The following ITPR3 variants were observed in gnomAD, a reference collection of about 807,000 sequenced individuals.
ITPR3 encodes inositol 1,4,5-trisphosphate-gated calcium channel ITPR3.
A neutral mutation model predicts 293.2 loss-of-function variants in ITPR3; 173 were observed. The ratio of observed to expected loss-of-function variants is 0.59; its 90% CI spans 0.52 to 0.67. ITPR3 has a LOEUF of 0.67. ITPR3 is among the 30% of genes least tolerant of loss of function. The probability of loss-of-function intolerance (pLI) is 0.00; values close to 1 mark genes in which losing one functional copy is unlikely to be tolerated. For synonymous variants in ITPR3, 1,295 were observed against 1,444.4 expected (o/e 0.90, Z 2.35); for missense variants, 2,796 against 3,592.1 (o/e 0.78, Z 5.66).
At chr6:33,694,786 G>C (rs4713657) in intron 56 of ITPR3, 138 bp from the exon 57 acceptor site, 2 of 1,123,890 alleles carry the variant, frequency 1.8e-6, no homozygotes, top group Non-Finnish European at 2.6e-6. Context: ...GGTCAATTCA[G>C]ATTTTCCCAT....
chr6:33,677,157 C>G, intron 27 of ITPR3, 68 bp downstream of exon 27: 4 of 1,420,572 alleles, frequency 2.8e-6, no homozygotes, highest in Non-Finnish European at 4.0e-6. Flanking sequence ...CCCGCTGGCC[C>G]GGCCCCCTGT....
intron 2 of ITPR3, among the ~76,000 whole-genome samples, chr6:33,642,602 C>T (rs1384648802): frequency 6.6e-6 from 1 of 152,090 alleles, no homozygotes. Flanking sequence ...TTGACAACAA[C>T]AAAGCCACTT....
chr6:33,624,984 C>T lies in ITPR3; in HGVS notation c.89+3293C>T, dbSNP rs1466437323. ...GGGATCTGGGTAGTGGATCCAGGAG[C>T]GGTTGAGACTGCCAGCCGGCCAGCA... On this transcript the variant is annotated intron_variant, in intron 1 of 57. Transcript: ENST00000605930. This position sits in a 1 kb window ranked among gnomAD's most constrained non-coding sequence, Gnocchi z 4.7. Among the ~76,000 whole-genome samples the T allele has an allele frequency of 2.0e-5, 3 of 152,298 alleles. No individual in the cohort carries two copies. The East Asian group carries it at 5.8e-4, about 29-fold the overall frequency.
In ITPR3 at chr6:33,662,550, A is replaced by G; in HGVS notation, c.734A>G (p.His245Arg). The part of the protein sequence containing the change: ...LKGGDVVRLF[H>R]AEQEKFLTCD... ...CAGGGAGACGTGGTGCGGCTGTTCC[A>G]TGCGGAGCAGGAGAAGTTCCTGACG... Residue 245 changes from histidine (H) to arginine (R), a missense_variant, in exon 8 of 58, where the codon CAT (histidine) becomes CGT (arginine). This residue lies in a region of ITPR3 where 144 missense variants were observed against 230.8 expected (regional missense o/e 0.62). Coordinates refer to ENST00000605930, the MANE Select transcript of ITPR3 (RefSeq NM_002224.4). 1.9e-6 allele frequency: 3 copies of G among 1,604,878 alleles called. No homozygotes were observed. The highest frequency in any genetic ancestry group is 1.7e-6 in the Non-Finnish European group (2 of 1,176,966).
Position 33,667,397 on chromosome 6 carries a change from TC to T in ITPR3, c.1713+109del. On this transcript the variant is annotated intron_variant, in intron 15 of 57. Coordinates refer to ENST00000605930, the MANE Select transcript of ITPR3 (RefSeq NM_002224.4). The surrounding 1 kb of genome is among the most constrained non-coding windows in gnomAD (Gnocchi z 4.4). ...CCAGGCACTGTTTTGGGGCCTAGGG[TC>T]CAGTAGGGCACCAGACAGCAGGGCC... 7.1e-7 allele frequency: 1 copy of T among 1,400,204 alleles called. No homozygotes were observed. The highest frequency in any genetic ancestry group is 9.6e-7 in the Non-Finnish European group (1 of 1,046,528). The allele number at this position is 1,400,204 out of a possible 1,614,324, so 86.7% of individuals were successfully genotyped here. A position where few individuals can be genotyped will look rare whatever the true frequency, so the allele number is the denominator to read the frequency against.
chr6:33,656,003 CTAAAACTCGT>C, intron 3 of ITPR3, 116 bp downstream of exon 3: 1 of 1,362,058 alleles, frequency 7.3e-7, no homozygotes, highest in South Asian at 1.3e-5. Flanking sequence ...TGAGTGGTTT[CTAAAACTCGT>C]ATGGGCGTGA....
At position 33,692,435 on chromosome 6, in the gene ITPR3, C is replaced by T. The variant is rs568835698; in HGVS notation, c.7459-293C>T. Among the ~76,000 whole-genome samples the T allele has an allele frequency of 9.2e-5, 14 of 152,208 alleles. No homozygotes were observed. The highest frequency in any genetic ancestry group is 5.8e-4 in the East Asian group (3 of 5,160). ...ATCAATGTTAGGGGCAGAGACACACCGAGACTCGTAGCCCTACCTCCCCGC... is the reference window on the plus strand; with the variant it reads ...ATCAATGTTAGGGGCAGAGACACACTGAGACTCGTAGCCCTACCTCCCCGC... On this transcript the variant is annotated intron_variant, in intron 54 of 57. Coordinates refer to ENST00000605930, the MANE Select transcript of ITPR3 (RefSeq NM_002224.4). The surrounding 1 kb of genome is among the most constrained non-coding windows in gnomAD (Gnocchi z 4.2).
intron 1 of ITPR3, 68 bp from the exon 2 acceptor site, chr6:33,640,416 C>G: frequency 4.8e-6 from 7 of 1,472,614 alleles, no homozygotes; most frequent in South Asian, 2.5e-5. Flanking sequence ...ATCCCCTGCT[C>G]TAAGGGAAGG....
At chr6:33,648,070 T>TTC (rs199978409) in intron 2 of ITPR3, among the ~76,000 whole-genome samples, 50 of 137,770 alleles carry the variant, frequency 3.6e-4, no homozygotes, top group Admixed American at 2.5e-3. Flanking sequence ...CTTTTTCTTT[T>TTC]TTTTTTTTTT....
intron 2 of ITPR3, among the ~76,000 whole-genome samples, chr6:33,642,220 A>G (rs1429960271): frequency 6.6e-6 from 1 of 152,052 alleles, no homozygotes; most frequent in African/African-American, 2.4e-5. Context: ...TGTGGGTTTA[A>G]TGTGCTCACT....
chr6:33,669,346 T>C (rs920247549), intron 18 of ITPR3, among the ~76,000 whole-genome samples, 190 bp downstream of exon 18: 2 of 152,214 alleles, frequency 1.3e-5, no homozygotes, highest in Non-Finnish European at 2.9e-5. Flanking sequence ...TGAAGAGGAC[T>C]GTGTGCCCCG....
In ITPR3 at chr6:33,667,749, C is replaced by T; in HGVS notation, c.1714-43C>T. 1 of 1,608,580 alleles carries T rather than the reference C, an allele frequency of 6.2e-7. No individual in the cohort carries two copies. The highest frequency in any genetic ancestry group is 8.5e-7 in the Non-Finnish European group (1 of 1,176,454). ...CCAGAGCAGAGCTGGGCCCTTGGCC[C>T]ACCTGTGACTCTCTGTGACCCCCAG... On this transcript the variant is annotated intron_variant, in intron 15 of 57. Transcript: ENST00000605930. This position sits in a 1 kb window ranked among gnomAD's most constrained non-coding sequence, Gnocchi z 4.4.
In ITPR3 at chr6:33,632,378, C is replaced by T. The variant is rs1211982480; in HGVS notation, c.90-8106C>T. ...GGCTCCTTGATAGTCACCTGCCCCA[C>T]TTCTATCTAGCTCCCTTCCTCCTCC... is the stretch of plus-strand genomic sequence containing the variant. On this transcript the variant is annotated intron_variant, in intron 1 of 57. Transcript: ENST00000605930. The surrounding 1 kb of genome is among the most constrained non-coding windows in gnomAD (Gnocchi z 4.1). Among the ~76,000 whole-genome samples the T allele has an allele frequency of 1.1e-4, 16 of 152,182 alleles. No individual in the cohort carries two copies. Among genetic ancestry groups the T allele is most frequent in the Admixed American group, 1.0e-3 (16 of 15,282 alleles).
intron 18 of ITPR3, among the ~76,000 whole-genome samples, chr6:33,669,528 C>T (rs185736824): frequency 3.9e-5 from 6 of 152,322 alleles, no homozygotes; most frequent in East Asian, 1.9e-4. Flanking sequence ...ACCTGGGAGG[C>T]GGAAGTTGCA....
Position 33,683,185 on chromosome 6 carries a change from C to A in ITPR3, c.4598-22C>A. 1 of 1,489,888 alleles carries A rather than the reference C, an allele frequency of 6.7e-7. No individual in the cohort carries two copies. The highest frequency in any genetic ancestry group is 9.0e-7 in the Non-Finnish European group (1 of 1,109,624). The allele number at this position is 1,489,888 out of a possible 1,614,324, so 92.3% of individuals were successfully genotyped here. ...AACTGCCCCCGCACCAGCACTCCAG[C>A]ACTCCCTCCCTTCCCACCCAGCCAA... On this transcript the variant is annotated intron_variant, in intron 34 of 57. Transcript: ENST00000605930. The surrounding 1 kb of genome is among the most constrained non-coding windows in gnomAD (Gnocchi z 4.5).
intron 27 of ITPR3, 94 bp from the exon 28 acceptor site, chr6:33,677,410 C>T: frequency 6.4e-7 from 1 of 1,553,874 alleles, no homozygotes; most frequent in East Asian, 2.3e-5. Flanking sequence ...CCCTTCCTGT[C>T]CCGGGTGCCA....
intron 50 of ITPR3, among the ~76,000 whole-genome samples, chr6:33,689,830 T>C (rs1374969323): frequency 2.0e-5 from 3 of 152,244 alleles, no homozygotes; most frequent in Non-Finnish European, 2.9e-5. Flanking sequence ...CCATCCTCCG[T>C]TGCCTGTACC....
In ITPR3 at chr6:33,679,393, A is replaced by G. The variant is rs1428640336; in HGVS notation, c.3973-489A>G. 6.6e-6 allele frequency among the ~76,000 whole-genome samples: 1 copy of G among 152,222 alleles called. No individual in the cohort carries two copies. Among genetic ancestry groups the G allele is most frequent in the Non-Finnish European group, 1.5e-5 (1 of 68,036 alleles). On this transcript the variant is annotated intron_variant, in intron 30 of 57. Transcript: ENST00000605930. This position sits in a 1 kb window ranked among gnomAD's most constrained non-coding sequence, Gnocchi z 4.2. ...GACAGTGTAGGCGGCAGGGGGAGAA[A>G]GAAGCAAACACTGAAGGGAGATTAG...
At position 33,678,850 on chromosome 6, in the gene ITPR3, G is replaced by T. The variant is rs1393165018; in HGVS notation, c.3972+11G>T. The T allele has an allele frequency of 1.2e-6, 2 of 1,609,516 alleles. No homozygotes were observed. The highest frequency in any genetic ancestry group is 2.2e-5 in the South Asian group (2 of 90,084). On this transcript the variant is annotated intron_variant, in intron 30 of 57. Transcript: ENST00000605930. Reference sequence around the variant, plus strand: ...ATGATCATGACTGAGGTGAGGGCGGGGCTGAGGGGTGCTCAGGCATCTTGG... The same window carrying T: ...ATGATCATGACTGAGGTGAGGGCGGTGCTGAGGGGTGCTCAGGCATCTTGG...
Sources: gnomAD v4.1 joint callset for allele counts (sites outside exome capture counted in the v4.1 genomes callset) on GRCh38, gnomAD v4.1.1 for gene constraint, gnomAD v4.1.1 regional missense constraint, Gnocchi (gnomAD v3.1) non-coding constraint, MANE v1.5 for transcripts, NCBI Gene and HGNC (gene_info 2026-07-23, HGNC 2026-07-21) for gene names.